The following ARHGAP6 variants were observed in gnomAD, a reference collection of about 807,000 sequenced individuals.
The protein encoded by ARHGAP6 is Rho GTPase activating protein 6.
Under a neutral mutation model 55.7 loss-of-function variants are expected in ARHGAP6, and 16 were observed. That is an observed-to-expected ratio of 0.29 (90% confidence interval 0.19 to 0.44). The LOEUF is 0.44. Among genes scored for constraint, ARHGAP6 ranks in the 20% least tolerant of loss-of-function variants. ARHGAP6 has a pLI of 1.00. For synonymous variants in ARHGAP6, 382 were observed against 360.9 expected (o/e 1.06, Z -0.66); for missense variants, 698 against 808.9 (o/e 0.86, Z 1.66).
chrX:11,568,159 A>T (rs1216874786), intron 1 of ARHGAP6, among the ~76,000 whole-genome samples: 1 of 111,972 alleles, frequency 8.9e-6, no homozygotes, highest in Non-Finnish European at 1.9e-5. Flanking sequence ...ACCTGGAAAA[A>T]AAAAGTCTGT....
chrX:11,579,718 T>C lies in ARHGAP6; in HGVS notation c.588+84523A>G, dbSNP rs946888409. 4.5e-5 allele frequency among the ~76,000 whole-genome samples: 5 copies of C among 112,269 alleles called. No homozygotes were observed. In the East Asian group the frequency reaches 8.3e-4, roughly 19 times the overall value. On this transcript the variant is annotated intron_variant, in intron 1 of 12. Coordinates refer to ENST00000337414, the MANE Select transcript of ARHGAP6 (RefSeq NM_013427.3). ...GCCAAAAAGTTATCTCTAAATGAAT[T>C]ATTATGATTCTTTATAGCTTGTGGG...
chrX:11,212,924 T>C (rs1318800873), intron 2 of ARHGAP6, among the ~76,000 whole-genome samples: 1 of 112,964 alleles, frequency 8.9e-6, no homozygotes, highest in East Asian at 2.8e-4. Context: ...CTGCCCGTGC[T>C]CCTCGCTGAT....
At chrX:11,266,710 C>T (rs1412993805) in intron 1 of ARHGAP6, among the ~76,000 whole-genome samples, 4 of 111,740 alleles carry the variant, frequency 3.6e-5, no homozygotes, top group Non-Finnish European at 7.5e-5. Context: ...AAATACAACT[C>T]GAAAAGACAT....
At chrX:11,650,952 T>G (rs1460760713) in intron 1 of ARHGAP6, among the ~76,000 whole-genome samples, 1 of 112,136 alleles carries the variant, frequency 8.9e-6, no homozygotes, top group Non-Finnish European at 1.9e-5. Flanking sequence ...TGACAATATA[T>G]TAAAACATTA....
rs192061117 is a variant in ARHGAP6 at position 11,193,208 on chromosome X, A to G, written c.820+3717T>C. The stretch of plus-strand genomic sequence containing the variant: ...ATGGTAGCATATCAACCATTTATGA[A>G]TCACTATTGGGAGAGCAATTCGATT... On this transcript the variant is annotated intron_variant, in intron 3 of 12. Coordinates refer to ENST00000337414, the MANE Select transcript of ARHGAP6 (RefSeq NM_013427.3). 3.8e-3 allele frequency among the ~76,000 whole-genome samples: 431 copies of G among 112,603 alleles called. 7 individuals are homozygous for G. The highest frequency in any genetic ancestry group is 0.036 in the Admixed American group (385 of 10,645).
chrX:11,604,195 A>G (rs2147145587), intron 1 of ARHGAP6, among the ~76,000 whole-genome samples: 1 of 111,713 alleles, frequency 9.0e-6, no homozygotes, highest in African/African-American at 3.3e-5. Context: ...TATTGGTGCA[A>G]AAATATACTC....
intron 1 of ARHGAP6, among the ~76,000 whole-genome samples, chrX:11,481,134 AT>A (rs977569880): frequency 3.6e-5 from 4 of 110,429 alleles, no homozygotes; most frequent in Non-Finnish European, 7.6e-5. Context: ...TTTACAGAGG[AT>A]TTTTTTTCCT....
At chrX:11,286,056 T>C (rs1441250091) in intron 1 of ARHGAP6, among the ~76,000 whole-genome samples, 1 of 112,190 alleles carries the variant, frequency 8.9e-6, no homozygotes, top group Non-Finnish European at 1.9e-5. Flanking sequence ...ATTCTTACTG[T>C]TGTAACATAA....
chrX:11,241,491 C>T (rs988966754), intron 2 of ARHGAP6, among the ~76,000 whole-genome samples: 4 of 108,563 alleles, frequency 3.7e-5, no homozygotes, highest in Admixed American at 3.0e-4. Flanking sequence ...AAAACGTATT[C>T]AAGCCCAAAC....
intron 1 of ARHGAP6, among the ~76,000 whole-genome samples, chrX:11,374,364 G>C (rs2049176758): frequency 8.9e-6 from 1 of 111,937 alleles, no homozygotes; most frequent in Non-Finnish European, 1.9e-5. Flanking sequence ...TCAAACAACA[G>C]AGATGTGGAA....
intron 2 of ARHGAP6, among the ~76,000 whole-genome samples, chrX:11,244,194 T>G (rs975656250): frequency 9.8e-5 from 11 of 112,004 alleles, no homozygotes; most frequent in African/African-American, 3.2e-4. Context: ...TAATATTAAT[T>G]TCAAATTAGG....
At chrX:11,253,520 C>T (rs1448097393) in intron 2 of ARHGAP6, among the ~76,000 whole-genome samples, 1 of 111,745 alleles carries the variant, frequency 8.9e-6, no homozygotes, top group Non-Finnish European at 1.9e-5. Context: ...TGTTGCTTTT[C>T]ATGGCAGATT....
chrX:11,430,240 T>C (rs2049927825), intron 1 of ARHGAP6, among the ~76,000 whole-genome samples: 1 of 112,505 alleles, frequency 8.9e-6, no homozygotes, highest in Admixed American at 9.4e-5. Flanking sequence ...CTAAATGACA[T>C]TCTTGTAAGC....
At chrX:11,612,964 C>A (rs1315690824) in intron 1 of ARHGAP6, among the ~76,000 whole-genome samples, 2 of 112,755 alleles carry the variant, frequency 1.8e-5, no homozygotes, top group Non-Finnish European at 3.7e-5. Flanking sequence ...CTAAGGTTTC[C>A]ATTATCTAAA....
chrX:11,494,989 C>G (rs1399633288), intron 1 of ARHGAP6, among the ~76,000 whole-genome samples: 1 of 111,693 alleles, frequency 9.0e-6, no homozygotes, highest in East Asian at 2.8e-4. Flanking sequence ...TTATAACTAG[C>G]TTAACATATT....
At chrX:11,280,831 T>C (rs183812216) in intron 1 of ARHGAP6, among the ~76,000 whole-genome samples, 15 of 110,638 alleles carry the variant, frequency 1.4e-4, no homozygotes, top group African/African-American at 3.9e-4. Flanking sequence ...ATCTACTTTA[T>C]AGCAATACTT....
intron 1 of ARHGAP6, among the ~76,000 whole-genome samples, chrX:11,355,336 G>C (rs2048918695): frequency 8.9e-6 from 1 of 112,622 alleles, no homozygotes; most frequent in Admixed American, 9.4e-5. Context: ...GAAGAGGGTA[G>C]TGAGGCTAGA....
intron 1 of ARHGAP6, among the ~76,000 whole-genome samples, chrX:11,454,849 G>A (rs761204782): frequency 3.6e-5 from 4 of 112,549 alleles, no homozygotes; most frequent in Non-Finnish European, 5.6e-5. Context: ...TTGTTATTCA[G>A]TATATACACC....
intron 1 of ARHGAP6, among the ~76,000 whole-genome samples, chrX:11,454,780 T>C (rs762779971): frequency 1.8e-5 from 2 of 112,518 alleles, no homozygotes; most frequent in East Asian, 5.6e-4. Flanking sequence ...CTGGGCATTT[T>C]AGATAGCATT....
Sources: allele counts gnomAD v4.1 joint callset (sites outside exome capture counted in the v4.1 genomes callset), GRCh38; gene constraint gnomAD v4.1.1; transcripts MANE v1.5; gene names NCBI Gene and HGNC (gene_info 2026-07-23, HGNC 2026-07-21).